Variants in L3MBTL4 observed in about 807,000 individuals in gnomAD.
L3MBTL4 encodes L3MBTL histone methyl-lysine binding protein 4.
Under a neutral mutation model 84.5 loss-of-function variants are expected in L3MBTL4, and 70 were observed. The observed-to-expected ratio is 0.83, with a 90% CI of 0.68 to 1.01. The LOEUF is 1.01. Ranked by LOEUF, L3MBTL4 falls within the 50% of genes least tolerant of loss-of-function variation. The pLI, the probability that L3MBTL4 is intolerant of heterozygous loss-of-function variation, is 0.00. For synonymous variants in L3MBTL4, 274 were observed against 259.8 expected, an observed-to-expected ratio of 1.05 and a Z score of -0.52; for missense variants, 715 against 754.8, an observed-to-expected ratio of 0.95 and a Z score of 0.62.
chr18:6,014,841 G>T (rs505420), intron 16 of L3MBTL4, among the ~76,000 whole-genome samples: 49,023 of 151,964 alleles, frequency 0.32, 10,434 homozygotes, highest in African/African-American at 0.58. Context: ...CACTTTGGTG[G>T]GCAGTGTGAA....
intron 5 of L3MBTL4, among the ~76,000 whole-genome samples, chr18:6,247,803 T>G (rs1361550161): frequency 1.3e-5 from 2 of 151,746 alleles, no homozygotes; most frequent in African/African-American, 4.8e-5. Context: ...ACTAGAACAT[T>G]CCTGGTTTTG....
chr18:6,233,434 C>A (rs1304881380), intron 10 of L3MBTL4, among the ~76,000 whole-genome samples: 1 of 149,646 alleles, frequency 6.7e-6, no homozygotes, highest in Non-Finnish European at 1.5e-5. Context: ...TCATCTCAGC[C>A]CAAAATCTCC....
chr18:6,338,171 A>G (rs2052434938), intron 1 of L3MBTL4, among the ~76,000 whole-genome samples: 1 of 151,942 alleles, frequency 6.6e-6, no homozygotes, highest in African/African-American at 2.4e-5. Flanking sequence ...GAAAATGGAG[A>G]AGGAGAAAGA....
intron 1 of L3MBTL4, among the ~76,000 whole-genome samples, chr18:6,341,542 A>G (rs1232102113): frequency 1.3e-5 from 2 of 149,900 alleles, no homozygotes; most frequent in Admixed American, 6.6e-5. Flanking sequence ...AGAAGAAAGA[A>G]TCAGTGAACT....
intron 12 of L3MBTL4, among the ~76,000 whole-genome samples, chr18:6,199,407 A>G (rs1208180388): frequency 6.6e-6 from 1 of 152,234 alleles, no homozygotes; most frequent in Non-Finnish European, 1.5e-5. Flanking sequence ...AGTGCCCAAC[A>G]GCCACATGCA....
chr18:6,329,151 C>CTTTTTTTT (rs992694853), intron 1 of L3MBTL4, among the ~76,000 whole-genome samples: 4 of 126,558 alleles, frequency 3.2e-5, no homozygotes, highest in Non-Finnish European at 6.6e-5. Flanking sequence ...TTTTTCTTTT[C>CTTTTTTTT]TTTTTTTTTT....
At chr18:6,228,793 G>A (rs902186024) in intron 10 of L3MBTL4, among the ~76,000 whole-genome samples, 1 of 152,086 alleles carries the variant, frequency 6.6e-6, no homozygotes, top group Non-Finnish European at 1.5e-5. Flanking sequence ...CCAGGAGCAG[G>A]GCACATGGGG....
intron 4 of L3MBTL4, among the ~76,000 whole-genome samples, chr18:6,300,010 CTA>C (rs1452167311): frequency 1.3e-5 from 2 of 152,222 alleles, no homozygotes; most frequent in Non-Finnish European, 2.9e-5. Context: ...TATAAATATA[CTA>C]TGTGTACATA....
chr18:6,052,925 G>A (rs1272139419), intron 16 of L3MBTL4, among the ~76,000 whole-genome samples: 2 of 152,338 alleles, frequency 1.3e-5, no homozygotes, highest in East Asian at 3.9e-4. Context: ...ACACTTGTTG[G>A]CAAGGCAGAA....
intron 13 of L3MBTL4, among the ~76,000 whole-genome samples, chr18:6,151,435 C>G (rs1480187557): frequency 1.3e-5 from 2 of 152,092 alleles, no homozygotes; most frequent in East Asian, 3.9e-4. Context: ...TCTTGTTGCC[C>G]AGGCTGAAGT....
At chr18:6,008,495 T>C (rs1043553838) in intron 16 of L3MBTL4, among the ~76,000 whole-genome samples, 3 of 152,162 alleles carry the variant, frequency 2.0e-5, no homozygotes, top group Non-Finnish European at 4.4e-5. Context: ...GCTGTGATGA[T>C]GGGAGGGAAG....
At chr18:6,064,560 C>T (rs777169450) in intron 16 of L3MBTL4, among the ~76,000 whole-genome samples, 7 of 150,186 alleles carry the variant, frequency 4.7e-5, no homozygotes, top group Non-Finnish European at 1.5e-5. Flanking sequence ...ATTTTCCTTG[C>T]AGAAGTCTTT....
chr18:6,252,939 C>T (rs2047987850), intron 5 of L3MBTL4, among the ~76,000 whole-genome samples: 1 of 152,194 alleles, frequency 6.6e-6, no homozygotes, highest in South Asian at 2.1e-4. Context: ...TGCGGTGGCT[C>T]ACGCCTGTAA....
intron 16 of L3MBTL4, among the ~76,000 whole-genome samples, chr18:5,996,703 C>T (rs999809755): frequency 6.6e-6 from 1 of 152,130 alleles, no homozygotes; most frequent in African/African-American, 2.4e-5. Context: ...GTGAGCACAT[C>T]AAGACAATGA....
intron 1 of L3MBTL4, among the ~76,000 whole-genome samples, chr18:6,342,976 T>G (rs2052683543): frequency 6.6e-6 from 1 of 152,074 alleles, no homozygotes; most frequent in Admixed American, 6.6e-5. Flanking sequence ...AGTAAAAAAT[T>G]GTCACAGAAG....
intron 1 of L3MBTL4, among the ~76,000 whole-genome samples, chr18:6,355,361 T>G (rs1048928569): frequency 5.9e-5 from 9 of 152,038 alleles, no homozygotes; most frequent in Admixed American, 4.6e-4. Context: ...AGATTTCTAA[T>G]AAATTAACTC....
At chr18:6,089,666 C>A (rs560436188) in intron 15 of L3MBTL4, among the ~76,000 whole-genome samples, 1 of 152,210 alleles carries the variant, frequency 6.6e-6, no homozygotes, top group South Asian at 2.1e-4. Context: ...GTTATAAAAT[C>A]TGAATAAGAA....
chr18:6,308,132 A>C (rs967675711), intron 3 of L3MBTL4, among the ~76,000 whole-genome samples: 2 of 152,330 alleles, frequency 1.3e-5, no homozygotes, highest in Admixed American at 6.5e-5. Flanking sequence ...GGCACCAAAA[A>C]TGACACTTAT....
At chr18:6,260,778 GAAC>G (rs2048364472) in intron 5 of L3MBTL4, 1 of 152,116 alleles carries the variant, frequency 6.6e-6, no homozygotes, top group Non-Finnish European at 1.5e-5. Context: ...TGGCTGACCT[GAAC>G]AACATTATAC....
Sources: gnomAD v4.1 joint callset for allele counts (sites outside exome capture counted in the v4.1 genomes callset) on GRCh38, gnomAD v4.1.1 for gene constraint, MANE v1.5 for transcripts, NCBI Gene and HGNC (gene_info 2026-07-23, HGNC 2026-07-21) for gene names.